Variants in DNAH11 observed in about 807,000 individuals in gnomAD.
DNAH11 encodes dynein axonemal heavy chain 11, also known as axonemal beta dynein heavy chain 11.
DNAH11 carries 442 observed loss-of-function variants against 526.0 expected under a neutral mutation model. That is an observed-to-expected ratio of 0.84 (90% CI 0.78 to 0.91). The LOEUF (loss-of-function observed/expected upper bound fraction) is 0.91. DNAH11 is among the 40% of genes least tolerant of loss of function. DNAH11 has a pLI of 0.00. For synonymous variants in DNAH11, 2,461 were observed against 1,935.9 expected (o/e 1.27, Z -7.12); for missense variants, 6,989 against 5,448.7 (o/e 1.28, Z -8.90).
chr7:21,789,808 T>TCTTTCTTCTTTC, intron 61 of DNAH11, among the ~76,000 whole-genome samples: 35 of 34,128 alleles, frequency 1.0e-3, no homozygotes, highest in East Asian at 2.5e-3. Flanking sequence ...TTTCTTTCTT[T>TCTTTCTTCTTTC]TTTCTTTCTT....
intron 62 of DNAH11, among the ~76,000 whole-genome samples, chr7:21,804,552 C>G (rs1008124391): frequency 6.6e-6 from 1 of 152,194 alleles, no homozygotes; most frequent in Non-Finnish European, 1.5e-5. Flanking sequence ...TCCATTCCAT[C>G]TCAATAACTG....
intron 51 of DNAH11, among the ~76,000 whole-genome samples, chr7:21,748,361 G>A (rs996029875): frequency 2.6e-5 from 4 of 152,098 alleles, no homozygotes; most frequent in African/African-American, 4.8e-5. Flanking sequence ...GTGAGTGCCC[G>A]TAATCCAACT....
At chr7:21,563,496 C>T (rs547406097) in intron 5 of DNAH11, among the ~76,000 whole-genome samples, 21 of 152,098 alleles carry the variant, frequency 1.4e-4, no homozygotes, top group African/African-American at 4.3e-4. Context: ...GCACCTGGCC[C>T]GCTGTAGCAT....
intron 54 of DNAH11, among the ~76,000 whole-genome samples, chr7:21,757,039 C>G (rs1169955511): frequency 6.6e-6 from 1 of 152,118 alleles, no homozygotes; most frequent in African/African-American, 2.4e-5. Flanking sequence ...AAAAGAAAGC[C>G]ATTGGATGGA....
intron 20 of DNAH11, among the ~76,000 whole-genome samples, chr7:21,614,269 C>G (rs1157092102): frequency 1.3e-5 from 2 of 152,090 alleles, no homozygotes; most frequent in African/African-American, 4.8e-5. Context: ...AAAACAAAGT[C>G]AAATCCTTCT....
intron 25 of DNAH11, among the ~76,000 whole-genome samples, chr7:21,624,833 A>G (rs1583540131): frequency 6.6e-6 from 1 of 152,182 alleles, no homozygotes; most frequent in Non-Finnish European, 1.5e-5. Context: ...TCTGTTAAAT[A>G]TGGTATATCA....
At chr7:21,738,454 C>T (rs924075539) in intron 46 of DNAH11, among the ~76,000 whole-genome samples, 4 of 152,094 alleles carry the variant, frequency 2.6e-5, no homozygotes, top group African/African-American at 9.7e-5. Flanking sequence ...TGTCATGCTG[C>T]ACGTGCTGCA....
rs776955021 is a variant in DNAH11, at chr7:21,735,685, A to G, written c.7486A>G (p.Met2496Val). ...TTETARLRYF[M>V]ELLLEKGKPL... ...AGAGACAGCTCGTCTTAGATATTTC[A>G]TGGAGTTGTTGCTTGAGAAAGGAAA... is the stretch of plus-strand genomic sequence containing the variant. The change falls in exon 46 of 82, where the codon ATG becomes GTG. Residue 2496 changes from methionine to valine, a missense_variant. By Grantham distance (21) the Met-to-Val change is conservative. Transcript: ENST00000409508. 6 of 1,611,896 alleles carry G rather than the reference A, an allele frequency of 3.7e-6. No homozygotes were observed. The highest frequency in any genetic ancestry group is 2.7e-5 in the African/African-American group (2 of 74,894).
chr7:21,790,089 G>T (rs571130622), intron 61 of DNAH11, among the ~76,000 whole-genome samples: 1 of 151,736 alleles, frequency 6.6e-6, no homozygotes, highest in Non-Finnish European at 1.5e-5. Flanking sequence ...GAACTGTGGG[G>T]ATTTAAATAA....
At chr7:21,803,161 C>T (rs1406029158) in intron 62 of DNAH11, among the ~76,000 whole-genome samples, 1 of 152,054 alleles carries the variant, frequency 6.6e-6, no homozygotes, top group South Asian at 2.1e-4. Context: ...CTTTAGCTGA[C>T]AAGCATAGAA....
chr7:21,873,170 G>T, intron 73 of DNAH11, 104 bp from the exon 74 acceptor site: 1 of 1,035,162 alleles, frequency 9.7e-7, no homozygotes, highest in Non-Finnish European at 1.4e-6. Flanking sequence ...TTTGAATCAT[G>T]GTTCTCTGAG....
chr7:21,704,099 G>C (rs1048988871), intron 37 of DNAH11, among the ~76,000 whole-genome samples: 2 of 152,158 alleles, frequency 1.3e-5, no homozygotes, highest in East Asian at 1.9e-4. Context: ...TGATCTGATG[G>C]GCTTGATTAA....
chr7:21,781,032 T>C (rs1340100747), intron 57 of DNAH11, among the ~76,000 whole-genome samples: 1 of 152,202 alleles, frequency 6.6e-6, no homozygotes, highest in Non-Finnish European at 1.5e-5. Context: ...AGTTCTTTTG[T>C]AATTAAACTA....
At chr7:21,652,577 C>A (rs1222056204) in intron 28 of DNAH11, among the ~76,000 whole-genome samples, 1 of 152,088 alleles carries the variant, frequency 6.6e-6, no homozygotes, top group Admixed American at 6.5e-5. Flanking sequence ...TTATAACCAA[C>A]AGTGAGAAGC....
chr7:21,888,321 A>G (rs992719505), intron 76 of DNAH11, among the ~76,000 whole-genome samples: 1 of 152,124 alleles, frequency 6.6e-6, no homozygotes, highest in African/African-American at 2.4e-5. Flanking sequence ...GTCATTACCA[A>G]CACTACTTGG....
intron 66 of DNAH11, among the ~76,000 whole-genome samples, chr7:21,847,563 CTT>C (rs1704056745): frequency 6.6e-6 from 1 of 152,092 alleles, no homozygotes; most frequent in African/African-American, 2.4e-5. Context: ...GATTTCTATT[CTT>C]TTAAACCTTT....
chr7:21,718,554 A>G (rs1424583797), intron 43 of DNAH11, among the ~76,000 whole-genome samples: 2 of 152,144 alleles, frequency 1.3e-5, no homozygotes, highest in African/African-American at 4.8e-5. Context: ...CTTCATCTTG[A>G]GACAGCTGGT....
At chr7:21,780,500 A>G (rs7777804) in intron 57 of DNAH11, among the ~76,000 whole-genome samples, 112,952 of 150,990 alleles carry the variant, frequency 0.75, 42,188 homozygotes, top group East Asian at 0.84. Flanking sequence ...TTACACAAAC[A>G]TGTGATGTTC....
At chr7:21,571,770 T>G in intron 7 of DNAH11, 36 bp from the exon 8 acceptor site, 1 of 1,533,728 alleles carries the variant, frequency 6.5e-7, no homozygotes, top group African/African-American at 1.4e-5. Context: ...TGCTGCTCAA[T>G]GTAGTGGAAA....
Sources: allele counts gnomAD v4.1 joint callset (sites outside exome capture counted in the v4.1 genomes callset), GRCh38; gene constraint gnomAD v4.1.1; transcripts MANE v1.5; gene names NCBI Gene and HGNC (gene_info 2026-07-23, HGNC 2026-07-21).